CYFIP1: variants seen among roughly 807,000 people sequenced by gnomAD.
CYFIP1 encodes cytoplasmic FMR1 interacting protein 1.
A neutral mutation model predicts 163.5 loss-of-function variants in CYFIP1; 58 were observed. The ratio of observed to expected loss-of-function variants is 0.35; its 90% CI spans 0.29 to 0.44. CYFIP1 has a LOEUF of 0.44. Ranked by LOEUF, CYFIP1 falls within the 20% of genes least tolerant of loss-of-function variation. The pLI is 1.00. For missense variants in CYFIP1, 1,338 were observed against 1,653.8 expected (o/e 0.81, Z 3.31); for synonymous variants, 663 against 660.7 (o/e 1.00, Z -0.05).
intron 1 of CYFIP1, among the ~76,000 whole-genome samples, chr15:22,973,885 A>C (rs2063181928): frequency 1.3e-5 from 2 of 152,348 alleles, no homozygotes; most frequent in East Asian, 3.9e-4. Flanking sequence ...GATATTTCTC[A>C]AAAGAAGGTG....
At position 22,926,297 on chromosome 15, in the gene CYFIP1, T is replaced by C. The variant is rs139860692; in HGVS notation, c.1234-190A>G. 7.2e-5 allele frequency among the ~76,000 whole-genome samples: 11 copies of C among 152,260 alleles called. No homozygotes were observed. The East Asian group carries it at 2.1e-3, about 29-fold the overall frequency. On this transcript the variant is annotated intron_variant, in intron 12 of 30. Transcript: ENST00000617928. ...CAAAAGACCCTGGCCCTGTAACCTC[T>C]CGTTTAAAAAATCTACCCGGCAAAA...
At chr15:22,892,123 G>T (rs1454901723) in intron 23 of CYFIP1, among the ~76,000 whole-genome samples, 1 of 152,228 alleles carries the variant, frequency 6.6e-6, no homozygotes, top group Non-Finnish European at 1.5e-5. Flanking sequence ...CTCATCCTGG[G>T]GGCCTGCTGG....
chr15:22,975,465 A>AAG (rs2063236579), intron 1 of CYFIP1, among the ~76,000 whole-genome samples: 8 of 135,130 alleles, frequency 5.9e-5, no homozygotes, highest in Non-Finnish European at 1.1e-4. Flanking sequence ...AAAAAAAAAA[A>AAG]GGTTAAAGGC....
chr15:22,903,592 G>T, intron 22 of CYFIP1, 114 bp downstream of exon 22: 1 of 1,121,166 alleles, frequency 8.9e-7, no homozygotes, highest in South Asian at 1.4e-5. Flanking sequence ...TGTGAGAAGT[G>T]ATGGGGAGCA....
intron 1 of CYFIP1, among the ~76,000 whole-genome samples, chr15:22,950,650 T>C (rs984060899): frequency 1.3e-5 from 2 of 152,244 alleles, no homozygotes; most frequent in African/African-American, 4.8e-5. Flanking sequence ...TGCGCTGTTC[T>C]GAGTAGGATG....
intron 1 of CYFIP1, among the ~76,000 whole-genome samples, chr15:22,965,503 C>T (rs35705689): frequency 0.16 from 24,588 of 152,170 alleles, 2,140 homozygotes; most frequent in Non-Finnish European, 0.2. Flanking sequence ...ACTGCACAGG[C>T]GTGTGGCCTG....
chr15:22,953,098 A>G (rs137884348), intron 1 of CYFIP1, among the ~76,000 whole-genome samples: 1 of 152,210 alleles, frequency 6.6e-6, no homozygotes, highest in Non-Finnish European at 1.5e-5. Context: ...TGCATCTTCC[A>G]TAGATGCGAA....
intron 11 of CYFIP1, among the ~76,000 whole-genome samples, chr15:22,928,943 G>A (rs2061445902): frequency 6.6e-6 from 1 of 151,896 alleles, no homozygotes; most frequent in Admixed American, 6.6e-5. Flanking sequence ...TGAGGGGCCC[G>A]GTGCGATGGC....
At chr15:22,951,454 C>T (rs946082228) in intron 1 of CYFIP1, 6 of 1,289,350 alleles carry the variant, frequency 4.7e-6, no homozygotes, top group African/African-American at 4.6e-5. Context: ...TTGGTGTCCA[C>T]GCAGGCACCT....
rs2061021714 is a variant in CYFIP1 at position 22,917,326 on chromosome 15, T to C, written c.1674+462A>G. 1 of 1,303,034 alleles carries C rather than the reference T, an allele frequency of 7.7e-7. No homozygotes were observed. Among genetic ancestry groups the C allele is most frequent in the Non-Finnish European group, 9.7e-7 (1 of 1,027,168 alleles). 80.7% of individuals were successfully genotyped at this position (1,303,034 alleles called of 1,614,324 possible). ...TGGATTAAACCGGGTGTGAAAGTCG[T>C]GAGAAGCACCTCGGGGAGGCCTGAA... On this transcript the variant is annotated intron_variant, in intron 15 of 30. Transcript: ENST00000617928. The surrounding 1 kb of genome is among the most constrained non-coding windows in gnomAD (Gnocchi z 4.2).
At chr15:22,947,340 A>ACC in intron 1 of CYFIP1, 49 bp from the exon 2 acceptor site, 2 of 1,592,324 alleles carry the variant, frequency 1.3e-6, no homozygotes, top group Non-Finnish European at 1.7e-6. Context: ...AGGAGGGGAC[A>ACC]CCCAACAAGC....
intron 1 of CYFIP1, among the ~76,000 whole-genome samples, chr15:22,978,158 C>G (rs998332825): frequency 6.6e-6 from 1 of 151,570 alleles, no homozygotes; most frequent in Non-Finnish European, 1.5e-5. Flanking sequence ...TCAAGACCAG[C>G]CTGGGCAACA....
intron 1 of CYFIP1, among the ~76,000 whole-genome samples, chr15:22,972,379 G>A (rs575659198): frequency 9.2e-5 from 14 of 152,212 alleles, no homozygotes; most frequent in Non-Finnish European, 1.8e-4. Flanking sequence ...GGAGGTTGCA[G>A]TGATCCAAGA....
chr15:22,876,284 G>A (rs563602651), intron 26 of CYFIP1, among the ~76,000 whole-genome samples: 2 of 152,004 alleles, frequency 1.3e-5, no homozygotes, highest in Non-Finnish European at 2.9e-5. Context: ...ACTCATCAAC[G>A]TCAATCCAGT....
intron 10 of CYFIP1, among the ~76,000 whole-genome samples, chr15:22,933,139 CT>C (rs796197683): frequency 8.1e-5 from 12 of 148,190 alleles, no homozygotes; most frequent in African/African-American, 2.5e-4. Flanking sequence ...CCACCCTCTT[CT>C]TTTTTTTTAA....
At chr15:22,977,883 G>A (rs1054129747) in intron 1 of CYFIP1, among the ~76,000 whole-genome samples, 1 of 151,844 alleles carries the variant, frequency 6.6e-6, no homozygotes, top group Admixed American at 6.6e-5. Flanking sequence ...AACAAAGGAG[G>A]GAGGGAGATG....
At position 22,872,896 on chromosome 15, in the gene CYFIP1, C is replaced by T; in HGVS notation, c.3526G>A (p.Val1176Met). Reference protein sequence around the residue: ...VLLGQQRRFAVLDFCYHLLKV... With the variant: ...VLLGQQRRFAMLDFCYHLLKV... ...AGTAGATGGTAGCAGAAATCCAGCA[C>T]AGCAAAACGCCGCTGCTGCCCAAGA... Residue 1176 changes from valine to methionine, a missense_variant, in exon 30 of 31, where the codon GTG becomes ATG. By Grantham distance (21) the Val-to-Met change is conservative. This residue lies in a region of CYFIP1 where 306 missense variants were observed against 322.1 expected (regional missense o/e 0.95). Coordinates refer to ENST00000617928, the MANE Select transcript of CYFIP1 (RefSeq NM_014608.6). 1 of 1,614,134 alleles carries T rather than the reference C, an allele frequency of 6.2e-7. No homozygotes were observed. Among genetic ancestry groups the T allele is most frequent in the South Asian group, 1.1e-5 (1 of 91,082 alleles).
At chr15:22,964,403 A>ACACG in intron 1 of CYFIP1, among the ~76,000 whole-genome samples, 1 of 137,206 alleles carries the variant, frequency 7.3e-6, no homozygotes, top group Non-Finnish European at 1.6e-5. Flanking sequence ...ACACACACAC[A>ACACG]CACACCCGGC....
At chr15:22,921,344 G>A (rs1435698448) in intron 13 of CYFIP1, among the ~76,000 whole-genome samples, 2 of 151,294 alleles carry the variant, frequency 1.3e-5, no homozygotes, top group African/African-American at 4.9e-5. Context: ...CTCCAGCCTA[G>A]GTGACACAGC....
Sources: gnomAD v4.1 joint callset for allele counts (sites outside exome capture counted in the v4.1 genomes callset) on GRCh38, gnomAD v4.1.1 for gene constraint, gnomAD v4.1.1 regional missense constraint, Gnocchi (gnomAD v3.1) non-coding constraint, MANE v1.5 for transcripts, NCBI Gene and HGNC (gene_info 2026-07-23, HGNC 2026-07-21) for gene names.